Variants in UBE2E2 observed in about 807,000 individuals in gnomAD.
UBE2E2 encodes ubiquitin-conjugating enzyme E2 E2.
In UBE2E2, 6 loss-of-function variants were observed where a neutral mutation model predicts 24.7. The observed-to-expected ratio is 0.24, with a 90% confidence interval of 0.13 to 0.48. The LOEUF (loss-of-function observed/expected upper bound fraction) is 0.48. Among genes scored for constraint, UBE2E2 ranks in the 20% least tolerant of loss-of-function variants. The pLI, the probability that UBE2E2 is intolerant of heterozygous loss-of-function variation, is 0.99. For missense variants in UBE2E2, 169 were observed against 245.0 expected (o/e 0.69, Z 2.07); for synonymous variants, 104 against 83.6 (o/e 1.24, Z -1.33).
intron 3 of UBE2E2, among the ~76,000 whole-genome samples, chr3:23,227,818 TG>T (rs1361850695): frequency 2.6e-5 from 4 of 152,210 alleles, no homozygotes; most frequent in Non-Finnish European, 5.9e-5. Context: ...TATGTTCCAT[TG>T]GCAGTTCAGA....
At chr3:23,249,874 T>C (rs1697526435) in intron 3 of UBE2E2, among the ~76,000 whole-genome samples, 1 of 152,164 alleles carries the variant, frequency 6.6e-6, no homozygotes, top group African/African-American at 2.4e-5. Context: ...GCTAGGATAG[T>C]CTCGATCTCC....
At chr3:23,367,330 A>G (rs929509688) in intron 3 of UBE2E2, among the ~76,000 whole-genome samples, 3 of 152,170 alleles carry the variant, frequency 2.0e-5, no homozygotes, top group African/African-American at 7.2e-5. Flanking sequence ...GCATCTAGGT[A>G]GCTTCATGAT....
intron 3 of UBE2E2, among the ~76,000 whole-genome samples, chr3:23,349,796 C>T (rs543060168): frequency 9.5e-4 from 144 of 152,376 alleles, no homozygotes; most frequent in African/African-American, 3.4e-3. Context: ...GGCTCCACCC[C>T]TGGGGGCAGG....
intron 3 of UBE2E2, among the ~76,000 whole-genome samples, chr3:23,420,637 G>T (rs1697772927): frequency 6.6e-6 from 1 of 152,156 alleles, no homozygotes; most frequent in Non-Finnish European, 1.5e-5. Context: ...ACAAGGCTTT[G>T]ATTTCTTTAC....
chr3:23,246,531 G>A (rs1054336802), intron 3 of UBE2E2, among the ~76,000 whole-genome samples: 11 of 149,962 alleles, frequency 7.3e-5, no homozygotes, highest in African/African-American at 2.5e-4. Context: ...CACTGTGCCC[G>A]GCCATGCCTG....
At chr3:23,217,768 G>A (rs765935405) in intron 3 of UBE2E2, among the ~76,000 whole-genome samples, 25 of 152,032 alleles carry the variant, frequency 1.6e-4, no homozygotes, top group Non-Finnish European at 5.9e-5. Flanking sequence ...CATTGGTTGT[G>A]ACTAGGTAAG....
intron 3 of UBE2E2, among the ~76,000 whole-genome samples, chr3:23,285,762 G>A (rs1698602246): frequency 6.6e-6 from 1 of 152,056 alleles, no homozygotes; most frequent in Admixed American, 6.5e-5. Context: ...GTGTGCAGTG[G>A]CTCTCACTGC....
chr3:23,394,196 C>T (rs894757352), intron 3 of UBE2E2, among the ~76,000 whole-genome samples: 8 of 152,114 alleles, frequency 5.3e-5, no homozygotes, highest in African/African-American at 1.9e-4. Context: ...TCCCAGAACA[C>T]GCAATTTTGC....
intron 3 of UBE2E2, among the ~76,000 whole-genome samples, chr3:23,463,581 T>G (rs952504466): frequency 6.6e-6 from 1 of 152,142 alleles, no homozygotes; most frequent in Admixed American, 6.6e-5. Context: ...TCCCAGATGC[T>G]GGAAATCTTG....
intron 3 of UBE2E2, among the ~76,000 whole-genome samples, chr3:23,268,832 A>G (rs1698142361): frequency 6.6e-6 from 1 of 151,916 alleles, no homozygotes; most frequent in Non-Finnish European, 1.5e-5. Context: ...CCAAAACAGC[A>G]TGGTACTGGT....
At chr3:23,359,162 A>C (rs1474080182) in intron 3 of UBE2E2, among the ~76,000 whole-genome samples, 2 of 152,098 alleles carry the variant, frequency 1.3e-5, no homozygotes, top group Non-Finnish European at 2.9e-5. Flanking sequence ...TGGACAAATG[A>C]CTAGTTTTTT....
intron 3 of UBE2E2, among the ~76,000 whole-genome samples, chr3:23,332,277 G>A (rs576067484): frequency 1.5e-4 from 23 of 152,070 alleles, no homozygotes; most frequent in Admixed American, 1.2e-3. Context: ...TGAGTAGCTG[G>A]GACTACAAGT....
chr3:23,254,910 T>TC (rs1697672247), intron 3 of UBE2E2, among the ~76,000 whole-genome samples: 3 of 151,834 alleles, frequency 2.0e-5, no homozygotes, highest in Admixed American at 6.6e-5. Context: ...GGCTTTTTTT[T>TC]TCCCCCCTTA....
rs967558897 is a variant in UBE2E2, at chr3:23,447,414, G to A, written c.228-52194G>A. On this transcript the variant is annotated intron_variant, in intron 3 of 5. Coordinates refer to ENST00000396703, the MANE Select transcript of UBE2E2 (RefSeq NM_152653.4). ...ACCTTTCTGATATCAATTACTTTGGGACAAGTAGTTATTGTGAGTTAGTTG... is the reference window on the plus strand; with the variant it reads ...ACCTTTCTGATATCAATTACTTTGGAACAAGTAGTTATTGTGAGTTAGTTG... 4.6e-5 allele frequency among the ~76,000 whole-genome samples: 7 copies of A among 152,258 alleles called. No homozygotes were observed. The Middle Eastern group carries it at 0.01, about 222-fold the overall frequency.
chr3:23,494,788 A>C (rs1337577228), intron 3 of UBE2E2, among the ~76,000 whole-genome samples: 1 of 151,538 alleles, frequency 6.6e-6, no homozygotes, highest in Admixed American at 6.6e-5. Flanking sequence ...GCAGTGGCGC[A>C]GTCTTGGCTC....
In UBE2E2 at chr3:23,568,543, C is replaced by A. The variant is rs1460350035; in HGVS notation, c.509-21191C>A. Among the ~76,000 whole-genome samples the A allele has an allele frequency of 2.7e-5, 4 of 150,516 alleles. No homozygotes were observed. The Admixed American group carries it at 2.7e-4, about 10-fold the overall frequency. The stretch of plus-strand genomic sequence containing the variant: ...ACTCCATTTAAAGAGAATTTATTTT[C>A]TCTGGCTGGCAGAAACAAACGCTTG... On this transcript the variant is annotated intron_variant, in intron 5 of 5. Coordinates refer to ENST00000396703, the MANE Select transcript of UBE2E2 (RefSeq NM_152653.4).
chr3:23,479,360 A>G (rs1364651400), intron 3 of UBE2E2, among the ~76,000 whole-genome samples: 1 of 152,176 alleles, frequency 6.6e-6, no homozygotes. Context: ...TGCTACAGGC[A>G]CCTGCATCTG....
intron 3 of UBE2E2, among the ~76,000 whole-genome samples, chr3:23,274,734 T>G (rs1456757796): frequency 6.6e-6 from 1 of 152,154 alleles, no homozygotes; most frequent in African/African-American, 2.4e-5. Context: ...CTAGAATTCT[T>G]TGGTTTTTAA....
At chr3:23,561,910 A>G (rs1387699901) in intron 5 of UBE2E2, among the ~76,000 whole-genome samples, 1 of 152,154 alleles carries the variant, frequency 6.6e-6, no homozygotes, top group Non-Finnish European at 1.5e-5. Context: ...ATTTTTGCAC[A>G]TTGATTTTGT....
Sources: allele counts gnomAD v4.1 joint callset (sites outside exome capture counted in the v4.1 genomes callset), GRCh38; gene constraint gnomAD v4.1.1; transcripts MANE v1.5; gene names NCBI Gene and HGNC (gene_info 2026-07-23, HGNC 2026-07-21).